The following PHF5A variants were observed in gnomAD, a reference collection of about 807,000 sequenced individuals.
PHF5A encodes the protein PHD finger protein 5A.
For missense variants in PHF5A, 24 were observed against 140.6 expected, an observed-to-expected ratio of 0.17 and a Z score of 4.19; for synonymous variants, 52 against 46.0, an observed-to-expected ratio of 1.13 and a Z score of -0.52.
rs189756780 is a variant in PHF5A at position 41,461,126 on chromosome 22, T to C, written c.244-639A>G. On this transcript the variant is annotated intron_variant, in intron 3 of 3. Coordinates refer to ENST00000216252, the MANE Select transcript of PHF5A (RefSeq NM_032758.4). ...AGGCGGAGGTAGCAGTGAGCTGAGA[T>C]CACGCCACAGCACTCCAGCCTGGGT... Among the ~76,000 whole-genome samples, 436 of 152,072 alleles carry C rather than the reference T, an allele frequency of 2.9e-3. 9 individuals carry two copies. Among genetic ancestry groups the C allele is most frequent in the Admixed American group, 0.026 (397 of 15,266 alleles).
chr22:41,468,585 G>A lies in PHF5A; in HGVS notation c.52+17C>T, dbSNP rs1363718759. ...ACCACCCCTGCCCAGACAGCCAGGG[G>A]TAGGGCGCAGTCTCACCAACACCAG... is the stretch of plus-strand genomic sequence containing the variant. On this transcript the variant is annotated intron_variant, in intron 1 of 3. Coordinates refer to ENST00000216252, the MANE Select transcript of PHF5A (RefSeq NM_032758.4). 4 of 1,613,838 alleles carry A rather than the reference G, an allele frequency of 2.5e-6. No homozygotes were observed. The Admixed American group carries it at 6.7e-5, about 27-fold the overall frequency.
chr22:41,460,323 T>C lies in PHF5A; in HGVS notation c.*75A>G, dbSNP rs1288448646. ...GATGCTCTGGGCTCTGCTCCCTTTC[T>C]GCTGGTAGTAGTAGGCATGTTTTCT... On this transcript the variant is annotated 3_prime_UTR_variant, in exon 4 of 4. Coordinates refer to ENST00000216252, the MANE Select transcript of PHF5A (RefSeq NM_032758.4). 1.8e-5 allele frequency: 23 copies of C among 1,263,838 alleles called. No individual in the cohort carries two copies. The highest frequency in any genetic ancestry group is 2.3e-5 in the Non-Finnish European group (20 of 883,998). 78.3% of individuals were successfully genotyped at this position (1,263,838 alleles called of 1,614,324 possible).
chr22:41,462,425 C>T (rs1165106109), intron 3 of PHF5A, among the ~76,000 whole-genome samples: 1 of 152,176 alleles, frequency 6.6e-6, no homozygotes, highest in African/African-American at 2.4e-5. Context: ...TTTAGGATCT[C>T]CTAGAAAAGA....
At chr22:41,468,386 A>T in intron 1 of PHF5A, 4 of 422,110 alleles carry the variant, frequency 9.5e-6, no homozygotes, top group East Asian at 5.2e-5. Flanking sequence ...TTCAGACCCC[A>T]CCCCCCGATA....
intron 3 of PHF5A, among the ~76,000 whole-genome samples, chr22:41,462,498 T>TA (rs1378628166): frequency 6.6e-6 from 1 of 152,186 alleles, no homozygotes; most frequent in African/African-American, 2.4e-5. Flanking sequence ...GGAAGCCGCC[T>TA]ACCAATAGCT....
chr22:41,468,576 C>A, intron 1 of PHF5A, 26 bp downstream of exon 1: 2 of 1,612,654 alleles, frequency 1.2e-6, no homozygotes, highest in African/African-American at 1.3e-5. Context: ...CCTGCCCAGA[C>A]AGCCAGGGGT....
chr22:41,467,361 T>C, intron 3 of PHF5A, 87 bp downstream of exon 3: 2 of 1,300,818 alleles, frequency 1.5e-6, no homozygotes, highest in South Asian at 2.8e-5. Context: ...AACACAGTAA[T>C]CTCCATAGAC....
intron 3 of PHF5A, 28 bp from the exon 4 acceptor site, chr22:41,460,515 A>G: frequency 1.9e-6 from 3 of 1,563,998 alleles, no homozygotes; most frequent in Non-Finnish European, 2.6e-6. Context: ...GAAGTTGTTA[A>G]GTCTTTGAGC....
rs1178710769 is a variant in PHF5A at position 41,468,290 on chromosome 22, T to G, written c.53-143A>C. 7.8e-6 allele frequency: 6 copies of G among 773,742 alleles called. No individual in the cohort carries two copies. In the African/African-American group the frequency reaches 1.0e-4, roughly 14 times the overall value. 47.9% of individuals were successfully genotyped at this position (773,742 alleles called of 1,614,324 possible). ...CGGATAGCCATTTTATCATTACAAA[T>G]TTCCATATGAACCAAACCTACATCC... On this transcript the variant is annotated intron_variant, in intron 1 of 3. Transcript: ENST00000216252.
chr22:41,463,137 G>A (rs1292459781), intron 3 of PHF5A, among the ~76,000 whole-genome samples: 4 of 151,908 alleles, frequency 2.6e-5, no homozygotes, highest in Non-Finnish European at 5.9e-5. Context: ...CTCCCAAAGC[G>A]CTGGGATTAC....
At chr22:41,460,543 T>C in intron 3 of PHF5A, 56 bp from the exon 4 acceptor site, 1 of 1,446,600 alleles carries the variant, frequency 6.9e-7, no homozygotes, top group Non-Finnish European at 9.5e-7. Flanking sequence ...AAGAGTGACT[T>C]AAGATAAAAA....
chr22:41,467,316 G>A (rs1279548918), intron 3 of PHF5A, 132 bp downstream of exon 3: 1 of 894,468 alleles, frequency 1.1e-6, no homozygotes, highest in African/African-American at 1.7e-5. Context: ...TTGACTCACA[G>A]AACTTGAAGA....
rs28612990 is a variant in PHF5A at position 41,467,711 on chromosome 22, G to A, written c.77-97C>T. On this transcript the variant is annotated intron_variant, in intron 2 of 3. Transcript: ENST00000216252. ...TACTAGTCTCCTGGGAAATACACTAGTCTCCTTTTGACAGTGACTTTAGGG... is the reference window on the plus strand; with the variant it reads ...TACTAGTCTCCTGGGAAATACACTAATCTCCTTTTGACAGTGACTTTAGGG... The A allele has an allele frequency of 1.0e-5, 13 of 1,277,454 alleles. No homozygotes were observed. In the East Asian group the frequency reaches 2.1e-4, roughly 21 times the overall value. The allele number at this position is 1,277,454 out of a possible 1,614,324, so 79.1% of individuals were successfully genotyped here.
Position 41,468,683 on chromosome 22 carries a change from T to G in PHF5A, c.-30A>C. 1 of 1,610,720 alleles carries G rather than the reference T, an allele frequency of 6.2e-7. No individual in the cohort carries two copies. The highest frequency in any genetic ancestry group is 8.5e-7 in the Non-Finnish European group (1 of 1,176,944). ...CCTAACTAAGCCGGCCACCGGAAGCTTCGGGAACTTCCGTCCGACCTTTAA... is the reference window on the plus strand; with the variant it reads ...CCTAACTAAGCCGGCCACCGGAAGCGTCGGGAACTTCCGTCCGACCTTTAA... On this transcript the variant is annotated 5_prime_UTR_variant, in exon 1 of 4. Transcript: ENST00000216252.
At chr22:41,460,625 T>C in intron 3 of PHF5A, 138 bp from the exon 4 acceptor site, 1 of 530,488 alleles carries the variant, frequency 1.9e-6, no homozygotes, top group Non-Finnish European at 3.3e-6. Flanking sequence ...GGAGGATTGC[T>C]GAAGCCCAGG....
chr22:41,468,658 CCTAA>C lies in PHF5A; in HGVS notation c.-9_-6del, dbSNP rs759847870. On this transcript the variant is annotated 5_prime_UTR_variant, in exon 1 of 4. Coordinates refer to ENST00000216252, the MANE Select transcript of PHF5A (RefSeq NM_032758.4). ...ATCAGGATGATGTTTAGCCATAGCTCCTAACTAAGCCGGCCACCGGAAGCTTCGG... is the reference window on the plus strand; with the variant it reads ...ATCAGGATGATGTTTAGCCATAGCTCCTAAGCCGGCCACCGGAAGCTTCGG... 2.7e-5 allele frequency: 43 copies of C among 1,614,112 alleles called. No homozygotes were observed. Among genetic ancestry groups the C allele is most frequent in the Middle Eastern group, 1.7e-4 (1 of 6,060 alleles).
intron 3 of PHF5A, among the ~76,000 whole-genome samples, chr22:41,465,811 C>T (rs1283384697): frequency 1.3e-5 from 2 of 152,032 alleles, no homozygotes; most frequent in Non-Finnish European, 2.9e-5. Context: ...ACCCAGGAGG[C>T]GGAGGCTGTG....
At position 41,468,154 on chromosome 22, in the gene PHF5A, G is replaced by T. The variant is rs914757948; in HGVS notation, c.53-7C>A. On this transcript the variant is annotated splice_region_variant and splice_polypyrimidine_tract_variant and intron_variant, in intron 1 of 3. Coordinates refer to ENST00000216252, the MANE Select transcript of PHF5A (RefSeq NM_032758.4). ...TCACACAGTCTTCCGATGGCTGCAA[G>T]ATGAAAGATGGTAAAAAGTACAATT... The T allele has an allele frequency of 6.2e-7, 1 of 1,613,814 alleles. No homozygotes were observed. Among genetic ancestry groups the T allele is most frequent in the Non-Finnish European group, 8.5e-7 (1 of 1,179,870 alleles).
chr22:41,466,529 T>C (rs1368567659), intron 3 of PHF5A, among the ~76,000 whole-genome samples: 2 of 152,144 alleles, frequency 1.3e-5, no homozygotes, highest in African/African-American at 4.8e-5. Context: ...CAACATGGGC[T>C]GTACAGGACT....
Sources: allele counts gnomAD v4.1 joint callset (sites outside exome capture counted in the v4.1 genomes callset), GRCh38; gene constraint gnomAD v4.1.1; transcripts MANE v1.5; gene names NCBI Gene and HGNC (gene_info 2026-07-23, HGNC 2026-07-21).